MAF: variants seen among roughly 807,000 people sequenced by gnomAD.
MAF encodes the protein MAF bZIP transcription factor, also known as transcription factor Maf.
A neutral mutation model predicts 22.0 loss-of-function variants in MAF; 10 were observed. The ratio of observed to expected loss-of-function variants is 0.45; its 90% CI spans 0.28 to 0.77. The LOEUF is 0.77. MAF is among the 30% of genes least tolerant of loss of function. The probability of loss-of-function intolerance (pLI) is 0.12; values close to 1 mark genes in which losing one functional copy is unlikely to be tolerated. For missense variants in MAF, 544 were observed against 548.4 expected, an observed-to-expected ratio of 0.99 and a Z score of 0.08; for synonymous variants, 337 against 255.8, an observed-to-expected ratio of 1.32 and a Z score of -3.03.
chr16:79,427,046 C>A, the MAF span, among the ~76,000 whole-genome samples: 1 of 152,234 alleles, frequency 6.6e-6, no homozygotes, highest in Non-Finnish European at 1.5e-5. Context: ...AACCATATCT[C>A]CATTGCTGCA....
chr16:79,321,602 G>C, the MAF span, among the ~76,000 whole-genome samples: 7 of 150,216 alleles, frequency 4.7e-5, no homozygotes, highest in Non-Finnish European at 7.4e-5. Flanking sequence ...AATCAGGAAA[G>C]AACAGAGGCC....
chr16:79,463,226 G>A, the MAF span, among the ~76,000 whole-genome samples: 8 of 152,170 alleles, frequency 5.3e-5, no homozygotes, highest in Non-Finnish European at 8.8e-5. Context: ...ATGGGTCCGG[G>A]TCACATAGAG....
the MAF span, among the ~76,000 whole-genome samples, chr16:79,505,303 TAC>T: frequency 2.0e-5 from 3 of 152,208 alleles, no homozygotes; most frequent in Non-Finnish European, 2.9e-5. Context: ...AGTGTTCCTC[TAC>T]AGAGTGAGGG....
the MAF span, among the ~76,000 whole-genome samples, chr16:79,454,293 T>A: frequency 6.6e-6 from 1 of 151,950 alleles, no homozygotes. Flanking sequence ...GATGTAGAAA[T>A]AAATGGTGGG....
chr16:79,538,679 CT>C, the MAF span, among the ~76,000 whole-genome samples: 5 of 151,758 alleles, frequency 3.3e-5, no homozygotes, highest in East Asian at 9.7e-4. Context: ...GAGAAATCAC[CT>C]GGGAACATGG....
the MAF span, among the ~76,000 whole-genome samples, chr16:79,235,262 G>C: frequency 6.6e-6 from 1 of 151,788 alleles, no homozygotes; most frequent in Non-Finnish European, 1.5e-5. Flanking sequence ...TTGGCACACG[G>C]GACTATAAGC....
At chr16:79,598,256 A>C (rs1448702009) in intron 1 of MAF, 3 of 1,058,474 alleles carry the variant, frequency 2.8e-6, no homozygotes, top group Non-Finnish European at 3.4e-6. Context: ...AAGCTCTAAA[A>C]GTAAAATTAA....
the MAF span, among the ~76,000 whole-genome samples, chr16:79,246,754 A>G: frequency 9.2e-5 from 14 of 152,202 alleles, no homozygotes; most frequent in African/African-American, 3.4e-4. Flanking sequence ...TAAGAATTCA[A>G]CATTGGAACT....
At chr16:79,347,398 C>G in the MAF span, among the ~76,000 whole-genome samples, 3 of 152,192 alleles carry the variant, frequency 2.0e-5, no homozygotes, top group Admixed American at 6.5e-5. Context: ...TCGGTCATAC[C>G]ATTTGCATAG....
chr16:79,555,093 G>A, the MAF span, among the ~76,000 whole-genome samples: 2 of 152,196 alleles, frequency 1.3e-5, no homozygotes, highest in African/African-American at 4.8e-5. Context: ...CTGGCAGGCT[G>A]ACCTAAGGCT....
At chr16:79,545,750 G>A in the MAF span, among the ~76,000 whole-genome samples, 115 of 152,212 alleles carry the variant, frequency 7.6e-4, no homozygotes, top group African/African-American at 2.4e-3. Flanking sequence ...GCCAGGGGAT[G>A]GGGAGTGGGG....
At chr16:79,569,136 C>T in the MAF span, among the ~76,000 whole-genome samples, 75 of 152,350 alleles carry the variant, frequency 4.9e-4, no homozygotes, top group African/African-American at 1.8e-3. Context: ...CAAACAGCCT[C>T]AGAGAGTTTA....
chr16:79,384,451 G>GAAAA, the MAF span, among the ~76,000 whole-genome samples: 1 of 109,804 alleles, frequency 9.1e-6, no homozygotes. Flanking sequence ...GTCTCAAAAA[G>GAAAA]AAAAAAAAAA....
the MAF span, among the ~76,000 whole-genome samples, chr16:79,410,983 C>G: frequency 6.6e-6 from 1 of 152,216 alleles, no homozygotes; most frequent in Non-Finnish European, 1.5e-5. Context: ...CCTTAGATAT[C>G]GGTCTTAGGG....
the MAF span, among the ~76,000 whole-genome samples, chr16:79,299,347 G>GAAAAAAAAAAAAAAAAAA: frequency 2.3e-5 from 2 of 86,826 alleles, no homozygotes; most frequent in Admixed American, 1.2e-4. Context: ...CAAAGAAAAA[G>GAAAAAAAAAAAAAAAAAA]AAAAAAAAAA....
At chr16:79,594,679 G>A in intron 1 of MAF, 126 bp from the exon 2 acceptor site, 1 of 1,498,508 alleles carries the variant, frequency 6.7e-7, no homozygotes, top group Non-Finnish European at 8.9e-7. Context: ...TGTAATGAAT[G>A]GCACTTACTC....
chr16:79,540,908 C>G, the MAF span, among the ~76,000 whole-genome samples: 1 of 151,844 alleles, frequency 6.6e-6, no homozygotes, highest in Admixed American at 6.6e-5. Context: ...TACTACTGTA[C>G]TTTTACCATT....
the MAF span, among the ~76,000 whole-genome samples, chr16:79,242,377 G>C: frequency 3.9e-5 from 5 of 128,026 alleles, no homozygotes; most frequent in Non-Finnish European, 7.0e-5. Flanking sequence ...AAAAAAAAAA[G>C]AAAAAAAAAA....
the MAF span, among the ~76,000 whole-genome samples, chr16:79,543,428 A>G: frequency 6.6e-6 from 1 of 152,206 alleles, no homozygotes; most frequent in Non-Finnish European, 1.5e-5. Flanking sequence ...GACAAGAGCC[A>G]CTTACACAAA....
Sources: gnomAD v4.1 joint callset for allele counts (sites outside exome capture counted in the v4.1 genomes callset) on GRCh38, gnomAD v4.1.1 for gene constraint, MANE v1.5 for transcripts, NCBI Gene and HGNC (gene_info 2026-07-23, HGNC 2026-07-21) for gene names.